The following SBF2 variants were observed in gnomAD, a reference collection of about 807,000 sequenced individuals.
SBF2 encodes SET binding factor 2.
Under a neutral mutation model 225.2 loss-of-function variants are expected in SBF2, and 112 were observed. The ratio of observed to expected loss-of-function variants is 0.50; its 90% CI spans 0.43 to 0.58. SBF2 has a LOEUF of 0.58. Among genes scored for constraint, SBF2 ranks in the 20% least tolerant of loss-of-function variants. The pLI, the probability that SBF2 is intolerant of heterozygous loss-of-function variation, is 0.00. For synonymous variants in SBF2, 763 were observed against 773.3 expected, an observed-to-expected ratio of 0.99 and a Z score of 0.22; for missense variants, 1,996 against 2,206.2, an observed-to-expected ratio of 0.90 and a Z score of 1.91.
chr11:10,071,169 T>C (rs777689714), intron 2 of SBF2, among the ~76,000 whole-genome samples: 6 of 152,096 alleles, frequency 3.9e-5, no homozygotes, highest in East Asian at 1.9e-4. Context: ...TCTTGCCTGA[T>C]TGCCCTGGCT....
intron 1 of SBF2, among the ~76,000 whole-genome samples, chr11:10,258,337 G>A (rs539727838): frequency 8.1e-4 from 123 of 152,226 alleles, no homozygotes; most frequent in Non-Finnish European, 1.3e-3. Flanking sequence ...GAAGCTCCCA[G>A]CCTCAAACAA....
chr11:9,868,783 T>A (rs1159061131), intron 17 of SBF2, among the ~76,000 whole-genome samples: 1 of 152,206 alleles, frequency 6.6e-6, no homozygotes, highest in Non-Finnish European at 1.5e-5. Flanking sequence ...ATTTCTTTTG[T>A]CCTCTGTGTT....
chr11:9,965,654 T>C (rs959638019), intron 14 of SBF2, among the ~76,000 whole-genome samples: 1 of 152,178 alleles, frequency 6.6e-6, no homozygotes, highest in Non-Finnish European at 1.5e-5. Flanking sequence ...AAGAAGATCT[T>C]TGTACTCATC....
intron 1 of SBF2, among the ~76,000 whole-genome samples, chr11:10,221,132 T>C (rs1396593622): frequency 6.6e-6 from 1 of 151,958 alleles, no homozygotes; most frequent in Non-Finnish European, 1.5e-5. Flanking sequence ...TTTTTTTTTT[T>C]TTTTTAATTG....
intron 1 of SBF2, among the ~76,000 whole-genome samples, chr11:10,257,000 G>C (rs1448235544): frequency 1.3e-5 from 2 of 152,132 alleles, no homozygotes; most frequent in Non-Finnish European, 2.9e-5. Flanking sequence ...TAAAAATACA[G>C]GTAAATTTTA....
At chr11:10,007,520 G>A (rs538117646) in intron 6 of SBF2, among the ~76,000 whole-genome samples, 12 of 152,298 alleles carry the variant, frequency 7.9e-5, no homozygotes, top group Non-Finnish European at 1.2e-4. Context: ...AATATGGATA[G>A]AAATCCCCTA....
At chr11:9,851,874 G>C (rs754282720) in intron 21 of SBF2, among the ~76,000 whole-genome samples, 8 of 152,160 alleles carry the variant, frequency 5.3e-5, no homozygotes, top group Non-Finnish European at 1.5e-5. Flanking sequence ...GGCCTCAAGT[G>C]ATCCTCCCAC....
At chr11:10,220,866 T>C (rs1468844937) in intron 1 of SBF2, among the ~76,000 whole-genome samples, 2 of 152,126 alleles carry the variant, frequency 1.3e-5, no homozygotes, top group African/African-American at 4.8e-5. Flanking sequence ...CATATTTGTG[T>C]TCTTCTCTCT....
At chr11:9,890,409 A>C (rs1269099684) in intron 17 of SBF2, among the ~76,000 whole-genome samples, 1 of 152,150 alleles carries the variant, frequency 6.6e-6, no homozygotes, top group Non-Finnish European at 1.5e-5. Flanking sequence ...CTAGAAAATA[A>C]ATTTTTAAAT....
At chr11:9,939,646 C>G (rs1865131178) in intron 16 of SBF2, among the ~76,000 whole-genome samples, 1 of 152,122 alleles carries the variant, frequency 6.6e-6, no homozygotes, top group Admixed American at 6.6e-5. Flanking sequence ...GCAACTGAAT[C>G]TGTTGTTGGT....
chr11:9,959,617 C>T (rs1370689234), intron 16 of SBF2: 11 of 762,044 alleles, frequency 1.4e-5, no homozygotes, highest in Admixed American at 1.2e-4. Context: ...CTAGAGCCAC[C>T]AAAATTCTAC....
chr11:9,790,617 T>C lies in SBF2; in HGVS notation c.4637A>G (p.Asp1546Gly). 1 of 1,590,014 alleles carries C rather than the reference T, an allele frequency of 6.3e-7. No individual in the cohort carries two copies. Among genetic ancestry groups the C allele is most frequent in the Non-Finnish European group, 8.6e-7 (1 of 1,158,756 alleles). ...AATGGGACTCCTCTTGTGCATTCTG[T>C]CAATACATTCCCAAATACAGACTCC... ...KKGVCIWECIDRMHKRSPIFF... is the reference protein window; with the variant it reads ...KKGVCIWECIGRMHKRSPIFF... Residue 1546 changes from aspartate (D) to glycine (G), a missense_variant, in exon 34 of 40, where the codon GAC becomes GGC. By Grantham distance (94) the Asp-to-Gly change is moderately conservative. Coordinates refer to ENST00000256190, the MANE Select transcript of SBF2 (RefSeq NM_030962.4).
chr11:10,214,931 G>C (rs7937758), intron 1 of SBF2, among the ~76,000 whole-genome samples: 1 of 151,966 alleles, frequency 6.6e-6, no homozygotes, highest in Non-Finnish European at 1.5e-5. Context: ...GGAAAAAGTA[G>C]AGAGGCAGGG....
At chr11:9,989,750 T>C (rs537936872) in intron 12 of SBF2, among the ~76,000 whole-genome samples, 155 bp from the exon 13 acceptor site, 1 of 152,340 alleles carries the variant, frequency 6.6e-6, no homozygotes, top group East Asian at 1.9e-4. Flanking sequence ...ACCTCCATTC[T>C]GGGGTTACAG....
chr11:10,267,228 G>A (rs1962083501), intron 1 of SBF2, among the ~76,000 whole-genome samples: 1 of 152,182 alleles, frequency 6.6e-6, no homozygotes, highest in Non-Finnish European at 1.5e-5. Context: ...TACAAAGCTA[G>A]AAGCAGCCTG....
intron 1 of SBF2, among the ~76,000 whole-genome samples, chr11:10,290,708 T>C (rs1159030786): frequency 1.3e-5 from 2 of 152,162 alleles, no homozygotes; most frequent in Non-Finnish European, 2.9e-5. Flanking sequence ...AACACTAGAA[T>C]AGATCCTGGA....
At chr11:9,813,067 A>G (rs748595775) in intron 29 of SBF2, among the ~76,000 whole-genome samples, 6 of 152,206 alleles carry the variant, frequency 3.9e-5, no homozygotes, top group Admixed American at 6.5e-5. Flanking sequence ...GGAAGTTTAA[A>G]GAGAAACTAA....
intron 16 of SBF2, among the ~76,000 whole-genome samples, chr11:9,899,242 T>C (rs1432469989): frequency 4.6e-5 from 7 of 151,316 alleles, no homozygotes; most frequent in Non-Finnish European, 8.8e-5. Context: ...ACTTATAATC[T>C]GAGCACTTTG....
chr11:10,230,813 T>C (rs1180751646), intron 1 of SBF2, among the ~76,000 whole-genome samples: 1 of 152,148 alleles, frequency 6.6e-6, no homozygotes, highest in African/African-American at 2.4e-5. Context: ...TCAAGGAGTA[T>C]CTTTGTGGCG....
Sources: allele counts gnomAD v4.1 joint callset (sites outside exome capture counted in the v4.1 genomes callset), GRCh38; gene constraint gnomAD v4.1.1; transcripts MANE v1.5; gene names NCBI Gene and HGNC (gene_info 2026-07-23, HGNC 2026-07-21).